SHROOM4: variants seen among roughly 807,000 people sequenced by gnomAD.
The protein encoded by SHROOM4 is protein Shroom4.
A neutral mutation model predicts 80.3 loss-of-function variants in SHROOM4; 17 were observed. The observed-to-expected ratio is 0.21, with a 90% CI of 0.14 to 0.32. The LOEUF is 0.32. SHROOM4 is among the 10% of genes least tolerant of loss of function. The pLI is 1.00. For missense variants in SHROOM4, 993 were observed against 1,140.3 expected, an observed-to-expected ratio of 0.87 and a Z score of 1.86; for synonymous variants, 400 against 437.5, an observed-to-expected ratio of 0.91 and a Z score of 1.07.
chrX:50,708,291 T>C (rs1360656221), intron 1 of SHROOM4, among the ~76,000 whole-genome samples: 1 of 112,386 alleles, frequency 8.9e-6, no homozygotes, highest in Non-Finnish European at 1.9e-5. Context: ...CCCTGTCCCC[T>C]CAACCTCTCC....
rs1228764070 is a variant in SHROOM4, at chrX:50,596,978, G to A, written c.4213-14C>T. On this transcript the variant is annotated splice_polypyrimidine_tract_variant and intron_variant, in intron 8 of 8. Coordinates refer to ENST00000376020, the MANE Select transcript of SHROOM4 (RefSeq NM_020717.5). ...TATCAGTACCAACTGGGGAAGCAGA[G>A]GACCAAGTAAGGGCTCTCTCAATTA... 1.7e-6 allele frequency: 2 copies of A among 1,205,240 alleles called. No homozygotes were observed. The highest frequency in any genetic ancestry group is 1.8e-5 in the South Asian group (1 of 55,801).
chrX:50,600,836 T>C (rs1929361909), intron 7 of SHROOM4, among the ~76,000 whole-genome samples: 1 of 111,995 alleles, frequency 8.9e-6, no homozygotes. Flanking sequence ...ATCAGTGATA[T>C]GAATAAGGCA....
intron 2 of SHROOM4, among the ~76,000 whole-genome samples, chrX:50,672,424 T>G (rs919586059): frequency 9.0e-6 from 1 of 111,022 alleles, no homozygotes; most frequent in African/African-American, 3.3e-5. Flanking sequence ...ATCTCAACAG[T>G]AGAATGGAGA....
At position 50,607,728 on chromosome X, in the gene SHROOM4, T is replaced by TTCC. The variant is rs143151534; in HGVS notation, c.3411_3413dup (p.Glu1151dup). The TTCC allele has an allele frequency of 0.28, 307,403 of 1,091,571 alleles. 29,069 individuals are homozygous for TTCC. Among genetic ancestry groups the TTCC allele is most frequent in the South Asian group, 0.34 (15,707 of 45,781 alleles). 90.0% of individuals were successfully genotyped at this position (1,091,571 alleles called of 1,213,427 possible). ...CTTCCTCTTCCTCTTCTTCTTCTTC[T>TTCC]TCCTCCTCCTCCTCCTCCTCCTGTT... On this transcript the variant is annotated inframe_insertion, in exon 6 of 9. Transcript: ENST00000376020.
intron 1 of SHROOM4, among the ~76,000 whole-genome samples, chrX:50,699,601 T>C (rs1219163290): frequency 8.9e-6 from 1 of 112,234 alleles, no homozygotes; most frequent in Non-Finnish European, 1.9e-5. Flanking sequence ...TTCAGAGTGG[T>C]CCACCAAGGT....
intron 1 of SHROOM4, among the ~76,000 whole-genome samples, chrX:50,760,450 A>C (rs1012028606): frequency 1.8e-4 from 19 of 107,173 alleles, no homozygotes; most frequent in Non-Finnish European, 3.3e-4. Context: ...CAATCCTCCT[A>C]CATCAGCCTC....
chrX:50,713,291 G>A (rs1933863925), intron 1 of SHROOM4, among the ~76,000 whole-genome samples: 1 of 111,327 alleles, frequency 9.0e-6, no homozygotes, highest in Non-Finnish European at 1.9e-5. Flanking sequence ...GTCTACACAA[G>A]AGAGTGATGT....
At chrX:50,807,109 C>T (rs898137516) in intron 1 of SHROOM4, among the ~76,000 whole-genome samples, 1 of 112,273 alleles carries the variant, frequency 8.9e-6, no homozygotes, top group Non-Finnish European at 1.9e-5. Flanking sequence ...CACTCTCTTC[C>T]TCAGACCCCT....
intron 5 of SHROOM4, among the ~76,000 whole-genome samples, chrX:50,626,969 C>G (rs1930829167): frequency 9.0e-6 from 1 of 111,325 alleles, no homozygotes; most frequent in Admixed American, 9.6e-5. Flanking sequence ...AGAACCATTT[C>G]AGAGAAACAC....
At chrX:50,776,804 C>A (rs1485165466) in intron 1 of SHROOM4, among the ~76,000 whole-genome samples, 1 of 109,144 alleles carries the variant, frequency 9.2e-6, no homozygotes, top group Admixed American at 9.9e-5. Context: ...TCCTCCCACC[C>A]CAAGCTCCCA....
chrX:50,705,439 C>T (rs980815399), intron 1 of SHROOM4, among the ~76,000 whole-genome samples: 3 of 111,371 alleles, frequency 2.7e-5, no homozygotes, highest in Non-Finnish European at 5.6e-5. Context: ...GCAATGTGAA[C>T]GCCATTCTCT....
At chrX:50,796,105 A>G (rs1936005112) in intron 1 of SHROOM4, among the ~76,000 whole-genome samples, 1 of 111,530 alleles carries the variant, frequency 9.0e-6, no homozygotes, top group Non-Finnish European at 1.9e-5. Flanking sequence ...AAGGCAGATC[A>G]GTTGGTGTCA....
Position 50,634,326 on chromosome X carries a change from G to T in SHROOM4, c.1747C>A (p.Arg583=), listed in dbSNP as rs1557255130. The T allele has an allele frequency of 8.3e-7, 1 of 1,210,906 alleles. No homozygotes were observed. Among genetic ancestry groups the T allele is most frequent in the Non-Finnish European group, 1.1e-6 (1 of 895,394 alleles). The part of the protein sequence containing the change: ...GTRGRSIQNR[R]KSERFATNLR... Reference sequence around the variant, plus strand: ...TTGGTAGCAAAACGCTCACTCTTCCGCCGGTTTTGGATCGAGCGGCCCCGG... The same window carrying T: ...TTGGTAGCAAAACGCTCACTCTTCCTCCGGTTTTGGATCGAGCGGCCCCGG... The change falls in exon 4 of 9, where the codon CGG becomes AGG. Residue 583 remains arginine, a synonymous_variant. Coordinates refer to ENST00000376020, the MANE Select transcript of SHROOM4 (RefSeq NM_020717.5).
rs782554081 is a variant in SHROOM4, at chrX:50,593,535, C to G, written c.*3160G>C. ...AGAAACTGTCCCCTGCCCCACCCCC[C>G]CAAAAAGATCTACTAATCTTCAAAT... On this transcript the variant is annotated 3_prime_UTR_variant, in exon 9 of 9. Transcript: ENST00000376020. 9.5e-5 allele frequency: 10 copies of G among 105,410 alleles called. No homozygotes were observed. In the East Asian group the frequency reaches 2.9e-3, roughly 31 times the overall value. 8.7% of individuals were successfully genotyped at this position (105,410 alleles called of 1,213,427 possible).
At position 50,634,178 on chromosome X, in the gene SHROOM4, A is replaced by T. The variant is rs1377938617; in HGVS notation, c.1895T>A (p.Leu632His). ...ETQEPPESPPLTASNTSLLSS... is the reference protein window; with the variant it reads ...ETQEPPESPPHTASNTSLLSS... ...TAGAAGAGATGTGTTAGAGGCAGTGAGTGGAGGACTTTCTGGGGGCTCCTG... is the reference window on the plus strand; with the variant it reads ...TAGAAGAGATGTGTTAGAGGCAGTGTGTGGAGGACTTTCTGGGGGCTCCTG... Residue 632 changes from leucine to histidine, a missense_variant, in exon 4 of 9, where the codon CTC (leucine) becomes CAC (histidine). Leu to His is a moderately conservative substitution (Grantham distance 99). Transcript: ENST00000376020. The T allele has an allele frequency of 5.8e-6, 7 of 1,211,433 alleles. No homozygotes were observed. The highest frequency in any genetic ancestry group is 6.7e-6 in the Non-Finnish European group (6 of 895,440).
At chrX:50,628,951 C>T (rs782650771) in intron 4 of SHROOM4, among the ~76,000 whole-genome samples, 1 of 111,906 alleles carries the variant, frequency 8.9e-6, no homozygotes, top group Non-Finnish European at 1.9e-5. Flanking sequence ...GTACTTTAGA[C>T]TCTGCCTCGA....
At chrX:50,709,533 T>C (rs1557264236) in intron 1 of SHROOM4, among the ~76,000 whole-genome samples, 2 of 111,976 alleles carry the variant, frequency 1.8e-5, no homozygotes, top group East Asian at 2.8e-4. Context: ...CTAGATTCTT[T>C]CCCTGTATGC....
At chrX:50,790,258 GA>G (rs1446279438) in intron 1 of SHROOM4, among the ~76,000 whole-genome samples, 1 of 110,615 alleles carries the variant, frequency 9.0e-6, no homozygotes, top group South Asian at 3.8e-4. Context: ...CAAAGAAATA[GA>G]AAAAAATCTG....
chrX:50,611,241 C>A (rs1473069255), intron 5 of SHROOM4, among the ~76,000 whole-genome samples: 5 of 106,156 alleles, frequency 4.7e-5, no homozygotes, highest in Admixed American at 2.0e-4. Flanking sequence ...CTCCGCCTCC[C>A]GGGTTCACGC....
Sources: allele counts gnomAD v4.1 joint callset (sites outside exome capture counted in the v4.1 genomes callset), GRCh38; gene constraint gnomAD v4.1.1; transcripts MANE v1.5; gene names NCBI Gene and HGNC (gene_info 2026-07-23, HGNC 2026-07-21).